Variants in GSN observed in about 807,000 individuals in gnomAD.
GSN encodes gelsolin, also known as actin-depolymerizing factor.
In GSN, 56 loss-of-function variants were observed where a neutral mutation model predicts 85.7. The observed-to-expected ratio is 0.65, with a 90% confidence interval of 0.53 to 0.82. GSN has a LOEUF of 0.82. Ranked by LOEUF, GSN falls within the 40% of genes least tolerant of loss-of-function variation. GSN has a pLI of 0.00. For synonymous variants in GSN, 373 were observed against 399.1 expected (o/e 0.93, Z 0.78); for missense variants, 857 against 979.8 (o/e 0.87, Z 1.67).
intron 6 of GSN, among the ~76,000 whole-genome samples, chr9:121,249,614 C>T (rs866709350): frequency 3.3e-5 from 5 of 152,188 alleles, no homozygotes; most frequent in African/African-American, 4.8e-5. Flanking sequence ...CTCTCTGATA[C>T]GACTTTCTCA....
At chr9:121,277,543 A>G (rs770164316) in intron 1 of GSN, among the ~76,000 whole-genome samples, 44 of 152,222 alleles carry the variant, frequency 2.9e-4, no homozygotes, top group Admixed American at 5.2e-4. Flanking sequence ...ACCCAGTGAC[A>G]GTAATAGGGT....
rs1163678552 is a variant in GSN, at chr9:121,318,190, C to T, written c.887-216C>T. 6.6e-6 allele frequency among the ~76,000 whole-genome samples: 1 copy of T among 152,200 alleles called. No individual in the cohort carries two copies. Among genetic ancestry groups the T allele is most frequent in the Non-Finnish European group, 1.5e-5 (1 of 68,050 alleles). On this transcript the variant is annotated intron_variant, in intron 8 of 17. Coordinates refer to ENST00000432226, the MANE Select transcript of GSN (RefSeq NM_198252.3). The surrounding 1 kb of genome is among the most constrained non-coding windows in gnomAD (Gnocchi z 4.3). Reference sequence around the variant, plus strand: ...AAATACATGCTCACTAAATGGACCACAGTAGTGTTGTGATTGGTGTCACTG... The same window carrying T: ...AAATACATGCTCACTAAATGGACCATAGTAGTGTTGTGATTGGTGTCACTG...
intron 2 of GSN, among the ~76,000 whole-genome samples, chr9:121,301,639 A>AG (rs1429059281): frequency 9.4e-4 from 143 of 151,566 alleles, no homozygotes; most frequent in Middle Eastern, 3.4e-3. Context: ...AAAAAAAAAA[A>AG]AAAAAGAAAA....
intron 1 of GSN, chr9:121,280,120 G>A (rs1030700524): frequency 2.6e-5 from 4 of 152,200 alleles, no homozygotes; most frequent in Non-Finnish European, 4.4e-5. Flanking sequence ...TGCCATCTTC[G>A]GGATCTTGGA....
intron 6 of GSN, among the ~76,000 whole-genome samples, chr9:121,260,822 C>A (rs573836038): frequency 2.6e-5 from 4 of 151,632 alleles, no homozygotes; most frequent in African/African-American, 4.8e-5. Flanking sequence ...AGGAGAAAAA[C>A]CAGGAAAAAG....
chr9:121,327,382 G>A lies in GSN; in HGVS notation c.1662G>A (p.Trp554Ter), dbSNP rs144259173. The A allele has an allele frequency of 5.6e-6, 9 of 1,613,700 alleles. No homozygotes were observed. The African/African-American group carries it at 6.7e-5, about 12-fold the overall frequency. ...AAACCCCCTCAGCCGCCTACCTGTG[G>A]GTGGGTACAGGAGCCAGCGAGGCAG... is the stretch of plus-strand genomic sequence containing the variant. Reference protein sequence around the residue: ...VLKTPSAAYLWVGTGASEAEK... With the variant: ...VLKTPSAAYL The change falls in exon 14 of 18, where the codon TGG (tryptophan) becomes TGA (stop). Residue 554 changes from tryptophan (W) to a stop codon, truncating the protein, a stop_gained. Transcript: ENST00000432226. LOFTEE classifies it high-confidence loss of function.
At chr9:121,327,611 T>A in intron 14 of GSN, 129 bp downstream of exon 14, 1 of 751,246 alleles carries the variant, frequency 1.3e-6, no homozygotes. Flanking sequence ...CTAATGTATG[T>A]TAAATAAAAG....
intron 6 of GSN, 62 bp downstream of exon 6, chr9:121,312,550 T>A: frequency 7.5e-7 from 1 of 1,337,584 alleles, no homozygotes; most frequent in Non-Finnish European, 1.0e-6. Flanking sequence ...TTTCTTCTGT[T>A]CAGTAGGCAA....
chr9:121,301,807 C>G, intron 2 of GSN, 156 bp from the exon 3 acceptor site: 2 of 1,156,084 alleles, frequency 1.7e-6, no homozygotes, highest in Non-Finnish European at 2.5e-6. Context: ...CTCGTTGAGA[C>G]AGGGTGCCCA....
Position 121,312,390 on chromosome 9 carries a change from G to T in GSN, c.565G>T (p.Ala189Ser), listed in dbSNP as rs1416138918. The T allele has an allele frequency of 5.0e-6, 8 of 1,613,970 alleles. No individual in the cohort carries two copies. The highest frequency in any genetic ancestry group is 4.2e-6 in the Non-Finnish European group (5 of 1,179,940). The change falls in exon 6 of 18, where the codon GCC becomes TCC. Residue 189 changes from alanine to serine, a missense_variant. Transcript: ENST00000432226. ...SNSNRYERLK[A>S]TQVSKGIRDN... ...CAGCAATCGGTATGAAAGACTGAAGGCCACACAGGTGTCCAAGGGCATCCG... is the reference window on the plus strand; with the variant it reads ...CAGCAATCGGTATGAAAGACTGAAGTCCACACAGGTGTCCAAGGGCATCCG...
At chr9:121,204,104 G>A (rs978968400), upstream of GSN, among the ~76,000 whole-genome samples, 5 of 152,182 alleles carry the variant, frequency 3.3e-5, no homozygotes, top group Admixed American at 3.3e-4. Flanking sequence ...AGATCTTTAT[G>A]TATAGCTGAT....
intron 4 of GSN, chr9:121,223,147 C>T (rs942425956): frequency 1.3e-5 from 2 of 152,148 alleles, no homozygotes; most frequent in Admixed American, 6.5e-5. Flanking sequence ...ATGCTTGAGC[C>T]CACTTGCCCA....
At chr9:121,234,539 C>A (rs954982073) in intron 5 of GSN, among the ~76,000 whole-genome samples, 23 of 152,282 alleles carry the variant, frequency 1.5e-4, no homozygotes, top group Middle Eastern at 3.4e-3. Flanking sequence ...ATCCCACAGG[C>A]CTTAAGTCAC....
At chr9:121,269,315 C>T (rs1301295185) in intron 1 of GSN, among the ~76,000 whole-genome samples, 1 of 152,230 alleles carries the variant, frequency 6.6e-6, no homozygotes, top group African/African-American at 2.4e-5. Context: ...AATCTTACCC[C>T]ATCTCCATTT....
intron 6 of GSN, among the ~76,000 whole-genome samples, chr9:121,254,733 GTTATTA>G (rs964574956): frequency 2.6e-5 from 4 of 151,996 alleles, no homozygotes; most frequent in Non-Finnish European, 5.9e-5. Context: ...TATTTCTAAT[GTTATTA>G]TTATTATTTT....
In GSN at chr9:121,281,470, G is replaced by T; in HGVS notation, c.-102G>T. 1 of 377,722 alleles carries T rather than the reference G, an allele frequency of 2.6e-6. No individual in the cohort carries two copies. The highest frequency in any genetic ancestry group is 2.0e-5 in the South Asian group (1 of 48,844). The allele number at this position is 377,722 out of a possible 1,614,324, so 23.4% of individuals were successfully genotyped here. On this transcript the variant is annotated splice_region_variant and 5_prime_UTR_variant, in exon 2 of 18. Transcript: ENST00000432226. Reference sequence around the variant, plus strand: ...GACATTCTGTGCCCTTTGTTTACAGGTAGTGCTCATAGCTCTCTTTGTCCA... The same window carrying T: ...GACATTCTGTGCCCTTTGTTTACAGTTAGTGCTCATAGCTCTCTTTGTCCA...
At chr9:121,286,542 C>T in intron 2 of GSN, 1 of 1,410,874 alleles carries the variant, frequency 7.1e-7, no homozygotes, top group East Asian at 2.5e-5. Context: ...AGGCTCTGCC[C>T]CAATGCCCCT....
intron 10 of GSN, among the ~76,000 whole-genome samples, chr9:121,321,059 G>A (rs1214128191): frequency 6.6e-6 from 1 of 152,186 alleles, no homozygotes; most frequent in Non-Finnish European, 1.5e-5. Flanking sequence ...GGTATGAGGA[G>A]CCCAGGCAGG....
At chr9:121,291,775 G>A (rs193025388) in intron 2 of GSN, among the ~76,000 whole-genome samples, 31 of 152,230 alleles carry the variant, frequency 2.0e-4, no homozygotes, top group Admixed American at 1.4e-3. Context: ...TGGTGAGTCC[G>A]TGAGATAATA....
Sources: allele counts gnomAD v4.1 joint callset (sites outside exome capture counted in the v4.1 genomes callset), GRCh38; gene constraint gnomAD v4.1.1; non-coding constraint Gnocchi (gnomAD v3.1); transcripts MANE v1.5; gene names NCBI Gene and HGNC (gene_info 2026-07-23, HGNC 2026-07-21).